Variants in CNTNAP2 observed in about 807,000 individuals in gnomAD.
CNTNAP2 encodes contactin associated protein 2.
CNTNAP2 carries 98 observed loss-of-function variants against 155.2 expected under a neutral mutation model. The observed-to-expected ratio is 0.63, with a 90% CI of 0.54 to 0.75. The LOEUF (loss-of-function observed/expected upper bound fraction) is 0.75. Ranked by LOEUF, CNTNAP2 falls within the 30% of genes least tolerant of loss-of-function variation. The pLI is 0.00. For missense variants in CNTNAP2, 1,727 were observed against 1,688.1 expected, an observed-to-expected ratio of 1.02 and a Z score of -0.40; for synonymous variants, 651 against 631.2, an observed-to-expected ratio of 1.03 and a Z score of -0.47.
intron 13 of CNTNAP2, among the ~76,000 whole-genome samples, chr7:147,678,854 A>G (rs528037545): frequency 6.6e-6 from 1 of 152,016 alleles, no homozygotes; most frequent in East Asian, 1.9e-4. Context: ...AGTGAATCTG[A>G]GGAAAAAGCT....
intron 1 of CNTNAP2, among the ~76,000 whole-genome samples, chr7:146,748,250 A>G (rs938537448): frequency 6.9e-6 from 1 of 144,222 alleles, no homozygotes; most frequent in South Asian, 2.2e-4. Flanking sequence ...GGTTCACGCC[A>G]TTCTCCCGCC....
intron 3 of CNTNAP2, among the ~76,000 whole-genome samples, chr7:147,001,892 T>A (rs1421766561): frequency 6.6e-6 from 1 of 151,830 alleles, no homozygotes; most frequent in Admixed American, 6.6e-5. Context: ...TTTAGATAGA[T>A]CCAAATAATT....
chr7:147,143,409 AC>A (rs1801639655), intron 8 of CNTNAP2, among the ~76,000 whole-genome samples: 3 of 152,194 alleles, frequency 2.0e-5, no homozygotes, highest in African/African-American at 7.2e-5. Flanking sequence ...CATTTGTTTG[AC>A]ATGATTTATT....
At chr7:147,757,979 T>C (rs1256550328) in intron 13 of CNTNAP2, among the ~76,000 whole-genome samples, 4 of 152,292 alleles carry the variant, frequency 2.6e-5, no homozygotes, top group Non-Finnish European at 5.9e-5. Context: ...TCTGGAAAGA[T>C]AGATTTGCTT....
At chr7:147,132,548 T>C (rs983941500) in intron 8 of CNTNAP2, 39 bp downstream of exon 8, 2 of 1,612,378 alleles carry the variant, frequency 1.2e-6, no homozygotes, top group South Asian at 2.2e-5. Flanking sequence ...CTGAAACTTA[T>C]TGCAATTTCC....
intron 13 of CNTNAP2, among the ~76,000 whole-genome samples, chr7:147,674,711 G>A (rs761471106): frequency 2.6e-5 from 4 of 152,064 alleles, no homozygotes; most frequent in Admixed American, 1.3e-4. Flanking sequence ...ATTGGAGCTT[G>A]TCCATAGAAT....
chr7:148,014,074 G>A (rs1447153359), intron 15 of CNTNAP2: 1 of 151,834 alleles, frequency 6.6e-6, no homozygotes, highest in Non-Finnish European at 1.5e-5. Context: ...CTTTCAGTTG[G>A]TGTTAAAGAT....
At position 146,875,934 on chromosome 7, in the gene CNTNAP2, C is replaced by CAAAAA. The variant is rs56304234; in HGVS notation, c.402+36053_402+36057dup. ...CACACACACACACACACATACACAG[C>CAAAAA]AAAAAAAAAAAAAAAAAAAAAAAAA... is the stretch of plus-strand genomic sequence containing the variant. On this transcript the variant is annotated intron_variant, in intron 3 of 23. Coordinates refer to ENST00000361727, the MANE Select transcript of CNTNAP2 (RefSeq NM_014141.6). Among the ~76,000 whole-genome samples, 179 of 55,112 alleles carry CAAAAA rather than the reference C, an allele frequency of 3.2e-3. 1 individual carries two copies. Among genetic ancestry groups the CAAAAA allele is most frequent in the East Asian group, 5.2e-3 (5 of 956 alleles). 36.2% of individuals were successfully genotyped at this position (55,112 alleles called of 152,430 possible).
intron 12 of CNTNAP2, among the ~76,000 whole-genome samples, chr7:147,587,978 G>A (rs1044867398): frequency 6.6e-6 from 1 of 152,018 alleles, no homozygotes; most frequent in African/African-American, 2.4e-5. Flanking sequence ...CTGAGCCTTT[G>A]TTTTCCTGTT....
At chr7:147,161,266 A>G (rs190410264) in intron 8 of CNTNAP2, among the ~76,000 whole-genome samples, 2 of 152,170 alleles carry the variant, frequency 1.3e-5, no homozygotes, top group African/African-American at 4.8e-5. Flanking sequence ...CGCAACTCAG[A>G]TTTGCTATAA....
At chr7:147,296,895 A>G (rs1370243004) in intron 8 of CNTNAP2, among the ~76,000 whole-genome samples, 1 of 152,094 alleles carries the variant, frequency 6.6e-6, no homozygotes, top group Admixed American at 6.6e-5. Flanking sequence ...TAGTTTCTGG[A>G]CTGTTCCTCT....
chr7:148,319,009 C>T (rs1797740483), intron 21 of CNTNAP2, among the ~76,000 whole-genome samples: 1 of 152,228 alleles, frequency 6.6e-6, no homozygotes, highest in Non-Finnish European at 1.5e-5. Context: ...TTAACAACTT[C>T]CCCATGAAGC....
chr7:148,324,076 G>T (rs1450882885), intron 21 of CNTNAP2, among the ~76,000 whole-genome samples: 1 of 151,854 alleles, frequency 6.6e-6, no homozygotes, highest in East Asian at 1.9e-4. Context: ...GTAAAGACGG[G>T]GTTTTGCCAT....
At position 147,758,005 on chromosome 7, in the gene CNTNAP2, T is replaced by G. The variant is rs552685884; in HGVS notation, c.2098+118699T>G. Reference sequence around the variant, plus strand: ...AGATTTGCTTCAAATAATTAGGAAATAGAAAAACTGTGATGAAAGAAAAAT... The same window carrying G: ...AGATTTGCTTCAAATAATTAGGAAAGAGAAAAACTGTGATGAAAGAAAAAT... On this transcript the variant is annotated intron_variant, in intron 13 of 23. Transcript: ENST00000361727. Among the ~76,000 whole-genome samples, 253 of 152,130 alleles carry G rather than the reference T, an allele frequency of 1.7e-3. 1 individual carries two copies. Among genetic ancestry groups the G allele is most frequent in the African/African-American group, 5.8e-3 (240 of 41,510 alleles).
At position 147,903,702 on chromosome 7, in the gene CNTNAP2, G is replaced by C; in HGVS notation, c.2236G>C (p.Asp746His). The C allele has an allele frequency of 1.2e-6, 2 of 1,613,834 alleles. No homozygotes were observed. The highest frequency in any genetic ancestry group is 1.7e-6 in the Non-Finnish European group (2 of 1,179,918). The change falls in exon 14 of 24, where the codon GAC becomes CAC. Residue 746 changes from aspartate (D) to histidine (H), a missense_variant. Coordinates refer to ENST00000361727, the MANE Select transcript of CNTNAP2 (RefSeq NM_014141.6). ...AGATCCCAAGTACTACTGTAACTGC[G>C]ACGCGGACTACAAGCAATGGTGAGT... ...CTDPKYYCNC[D>H]ADYKQWRKDA...
intron 15 of CNTNAP2, among the ~76,000 whole-genome samples, chr7:148,004,374 G>A (rs1056411836): frequency 4.6e-5 from 7 of 152,040 alleles, no homozygotes; most frequent in Non-Finnish European, 1.0e-4. Context: ...ATTTTTCTTA[G>A]ATTTATGACA....
intron 12 of CNTNAP2, among the ~76,000 whole-genome samples, chr7:147,605,368 G>A (rs1164635292): frequency 2.6e-5 from 4 of 152,100 alleles, no homozygotes; most frequent in South Asian, 4.1e-4. Flanking sequence ...AAATGTGTTC[G>A]ATGACTGAAG....
At chr7:146,808,581 T>A (rs544618858) in intron 2 of CNTNAP2, among the ~76,000 whole-genome samples, 1 of 152,234 alleles carries the variant, frequency 6.6e-6, no homozygotes, top group Non-Finnish European at 1.5e-5. Flanking sequence ...AATGATTTGA[T>A]ATTTGTATGT....
chr7:146,391,118 G>GTA (rs1230472720), intron 1 of CNTNAP2, among the ~76,000 whole-genome samples: 1 of 147,258 alleles, frequency 6.8e-6, no homozygotes, highest in African/African-American at 2.5e-5. Context: ...TATATATTTA[G>GTA]TATATATATT....
Sources: gnomAD v4.1 joint callset for allele counts (sites outside exome capture counted in the v4.1 genomes callset) on GRCh38, gnomAD v4.1.1 for gene constraint, MANE v1.5 for transcripts, NCBI Gene and HGNC (gene_info 2026-07-23, HGNC 2026-07-21) for gene names.